The following SOX5 variants were observed in gnomAD, a reference collection of about 807,000 sequenced individuals.
SOX5 encodes the protein SRY-box transcription factor 5.
In SOX5, 9 loss-of-function variants were observed where a neutral mutation model predicts 92.0. The ratio of observed to expected loss-of-function variants is 0.10; its 90% CI spans 0.06 to 0.17. The LOEUF (loss-of-function observed/expected upper bound fraction) is 0.17, where lower values mean the gene tolerates loss of function less well. Among genes scored for constraint, SOX5 ranks in the 10% least tolerant of loss-of-function variants. The pLI, the probability that SOX5 is intolerant of heterozygous loss-of-function variation, is 1.00. For missense variants in SOX5, 642 were observed against 944.5 expected (o/e 0.68, Z 4.20); for synonymous variants, 344 against 336.3 (o/e 1.02, Z -0.25).
intron 1 of SOX5, among the ~76,000 whole-genome samples, chr12:23,897,595 A>G (rs1177884261): frequency 1.3e-5 from 2 of 152,164 alleles, no homozygotes; most frequent in Non-Finnish European, 2.9e-5. Context: ...TTAACAGACT[A>G]AAACTACAGT....
chr12:23,897,892 C>T (rs1028839869), intron 1 of SOX5, among the ~76,000 whole-genome samples: 1 of 152,170 alleles, frequency 6.6e-6, no homozygotes, highest in Non-Finnish European at 1.5e-5. Flanking sequence ...TTGGATACCA[C>T]ATTTCAAGTA....
intron 3 of SOX5, among the ~76,000 whole-genome samples, chr12:24,273,182 C>T (rs750578082): frequency 6.6e-6 from 1 of 152,172 alleles, no homozygotes; most frequent in Non-Finnish European, 1.5e-5. Context: ...TCGCTTGAAC[C>T]TGCAAGGCAG....
intron 3 of SOX5, among the ~76,000 whole-genome samples, chr12:24,242,405 A>C (rs1045953813): frequency 6.6e-6 from 1 of 152,210 alleles, no homozygotes. Flanking sequence ...TTCCCCACTA[A>C]AGCAAATGTT....
intron 1 of SOX5, among the ~76,000 whole-genome samples, chr12:24,417,436 G>T (rs1163013801): frequency 6.6e-6 from 1 of 152,150 alleles, no homozygotes. Flanking sequence ...AGAAGGAAAG[G>T]CTCTTTATAC....
At chr12:23,958,317 T>G (rs939220472) in intron 4 of SOX5, among the ~76,000 whole-genome samples, 4 of 152,048 alleles carry the variant, frequency 2.6e-5, no homozygotes, top group African/African-American at 9.7e-5. Context: ...ATCAATACAC[T>G]TAATGGTTTT....
chr12:23,812,326 C>T (rs919684407), intron 3 of SOX5, among the ~76,000 whole-genome samples: 12 of 151,898 alleles, frequency 7.9e-5, no homozygotes, highest in East Asian at 1.9e-4. Flanking sequence ...ATTTTCTTGC[C>T]AACATCAAAG....
chr12:24,142,394 G>A (rs935081735), intron 4 of SOX5, among the ~76,000 whole-genome samples: 3 of 152,060 alleles, frequency 2.0e-5, no homozygotes, highest in Admixed American at 6.6e-5. Flanking sequence ...CACAAAATTC[G>A]GATTCTGGTA....
chr12:24,209,874 C>T (rs987691017), intron 4 of SOX5, among the ~76,000 whole-genome samples: 2 of 150,402 alleles, frequency 1.3e-5, no homozygotes, highest in African/African-American at 2.4e-5. Flanking sequence ...AAAAATTAGC[C>T]GGGCGTAGTG....
intron 2 of SOX5, among the ~76,000 whole-genome samples, chr12:24,364,988 C>T (rs530761793): frequency 1.5e-4 from 23 of 152,126 alleles, no homozygotes; most frequent in African/African-American, 5.1e-4. Context: ...CCCAAAATAG[C>T]TGTATTTCAG....
At chr12:24,104,501 T>A (rs1331886284) in intron 4 of SOX5, among the ~76,000 whole-genome samples, 1 of 152,166 alleles carries the variant, frequency 6.6e-6, no homozygotes, top group Non-Finnish European at 1.5e-5. Context: ...AAAATAATGA[T>A]GTTTAGGGAA....
intron 3 of SOX5, among the ~76,000 whole-genome samples, chr12:23,824,485 T>C (rs2096189209): frequency 6.6e-6 from 1 of 152,196 alleles, no homozygotes; most frequent in African/African-American, 2.4e-5. Flanking sequence ...TACTCCTTCC[T>C]CTGAAAGCTT....
At chr12:24,372,320 G>A (rs551844951) in intron 1 of SOX5, among the ~76,000 whole-genome samples, 3 of 152,008 alleles carry the variant, frequency 2.0e-5, no homozygotes, top group Admixed American at 1.3e-4. Context: ...GTGTGATGCC[G>A]CCTACTCCTG....
chr12:24,043,248 G>A (rs1024175784), intron 4 of SOX5, among the ~76,000 whole-genome samples: 12 of 152,202 alleles, frequency 7.9e-5, no homozygotes, highest in Admixed American at 2.6e-4. Context: ...AGACAAAGCA[G>A]AGAGGTAAAA....
intron 1 of SOX5, among the ~76,000 whole-genome samples, chr12:23,910,204 A>G (rs2097336687): frequency 1.3e-5 from 2 of 152,194 alleles, no homozygotes; most frequent in Admixed American, 1.3e-4. Context: ...CACATATAAT[A>G]GAGGTAGAAT....
chr12:24,154,458 T>A (rs903983635), intron 4 of SOX5, among the ~76,000 whole-genome samples: 10 of 152,114 alleles, frequency 6.6e-5, no homozygotes, highest in African/African-American at 2.4e-4. Flanking sequence ...CCTTCCTCAT[T>A]GCTATATGGA....
intron 7 of SOX5, among the ~76,000 whole-genome samples, chr12:23,661,353 T>C (rs1403305109): frequency 1.3e-5 from 2 of 152,096 alleles, no homozygotes; most frequent in South Asian, 2.1e-4. Flanking sequence ...TCTAAAGAAA[T>C]AGCAATGATC....
intron 2 of SOX5, among the ~76,000 whole-genome samples, chr12:24,345,118 G>A (rs1420609961): frequency 6.6e-6 from 1 of 152,176 alleles, no homozygotes; most frequent in Non-Finnish European, 1.5e-5. Context: ...GGTGGTGTAT[G>A]GGGTAAGAGA....
In SOX5 at chr12:24,147,184, C is replaced by T. The variant is rs77413205; in HGVS notation, c.-2+66159G>A. Reference sequence around the variant, plus strand: ...AAATAAACATTTTACAAGAAAAATGCTGACCAATGACTCATGAACATAGAT... The same window carrying T: ...AAATAAACATTTTACAAGAAAAATGTTGACCAATGACTCATGAACATAGAT... On this transcript the variant is annotated intron_variant, in intron 4 of 4. Coordinates refer to the SOX5 transcript ENST00000446891. Among the ~76,000 whole-genome samples the T allele has an allele frequency of 2.9e-3, 442 of 152,176 alleles. 2 individuals carry two copies. Among genetic ancestry groups the T allele is most frequent in the African/African-American group, 0.01 (434 of 41,540 alleles).
At chr12:23,566,965 T>C (rs527396009) in intron 10 of SOX5, among the ~76,000 whole-genome samples, 23 of 152,332 alleles carry the variant, frequency 1.5e-4, no homozygotes, top group African/African-American at 2.9e-4. Flanking sequence ...AAGAATTAGA[T>C]GAAATAACAC....
Sources: allele counts gnomAD v4.1 joint callset (sites outside exome capture counted in the v4.1 genomes callset), GRCh38; gene constraint gnomAD v4.1.1; transcripts MANE v1.5; gene names NCBI Gene and HGNC (gene_info 2026-07-23, HGNC 2026-07-21).